The following SH2D4A variants were observed in gnomAD, a reference collection of about 807,000 sequenced individuals.
The protein encoded by SH2D4A is SH2 domain-containing protein 4A.
In SH2D4A, 70 loss-of-function variants were observed where a neutral mutation model predicts 64.7. That is an observed-to-expected ratio of 1.08 (90% CI 0.89 to 1.32). The LOEUF is 1.32. Ranked by LOEUF, SH2D4A falls within the 40% of genes most tolerant of loss-of-function variation. The pLI, the probability that SH2D4A is intolerant of heterozygous loss-of-function variation, is 0.00. For missense variants in SH2D4A, 706 were observed against 540.1 expected (o/e 1.31, Z -3.04); for synonymous variants, 268 against 200.7 (o/e 1.34, Z -2.83).
At chr8:19,382,657 G>A (rs1341577725) in intron 8 of SH2D4A, among the ~76,000 whole-genome samples, 1 of 152,078 alleles carries the variant, frequency 6.6e-6, no homozygotes, top group South Asian at 2.1e-4. Context: ...CTTATGCTGG[G>A]TTTATCAGGA....
chr8:19,324,680 A>C (rs959623767), intron 2 of SH2D4A, among the ~76,000 whole-genome samples: 1 of 151,972 alleles, frequency 6.6e-6, no homozygotes, highest in Admixed American at 6.6e-5. Context: ...TGTATTCCCC[A>C]GGGGGTGCCT....
chr8:19,390,889 G>A (rs1194914165), intron 8 of SH2D4A, among the ~76,000 whole-genome samples: 2 of 152,174 alleles, frequency 1.3e-5, no homozygotes, highest in Non-Finnish European at 2.9e-5. Flanking sequence ...ACTTAGCCGA[G>A]GTTTGGTTAT....
At chr8:19,324,033 A>G (rs1361477049) in intron 2 of SH2D4A, among the ~76,000 whole-genome samples, 2 of 152,220 alleles carry the variant, frequency 1.3e-5, no homozygotes, top group Non-Finnish European at 1.5e-5. Context: ...GCTTAATGAC[A>G]GTGACTTTTG....
At chr8:19,358,701 G>C (rs1226448477) in intron 5 of SH2D4A, among the ~76,000 whole-genome samples, 1 of 152,198 alleles carries the variant, frequency 6.6e-6, no homozygotes, top group African/African-American at 2.4e-5. Flanking sequence ...TAAAACAGAG[G>C]CATCCTCCTT....
At chr8:19,376,959 T>C (rs11990266) in intron 8 of SH2D4A, among the ~76,000 whole-genome samples, 1 of 152,170 alleles carries the variant, frequency 6.6e-6, no homozygotes, top group Admixed American at 6.6e-5. Flanking sequence ...ATTTTTCTTA[T>C]GGAATATTTT....
intron 4 of SH2D4A, among the ~76,000 whole-genome samples, chr8:19,342,790 T>C (rs1176763066): frequency 6.6e-6 from 1 of 152,194 alleles, no homozygotes; most frequent in Non-Finnish European, 1.5e-5. Context: ...GCAGTGATAC[T>C]TTAAACCAGA....
At chr8:19,358,283 A>T (rs1351694711) in intron 5 of SH2D4A, among the ~76,000 whole-genome samples, 2 of 152,220 alleles carry the variant, frequency 1.3e-5, no homozygotes, top group Non-Finnish European at 2.9e-5. Context: ...AGTTAGAGAC[A>T]CATTTTATGA....
At chr8:19,367,174 C>T (rs1459060043) in intron 7 of SH2D4A, among the ~76,000 whole-genome samples, 1 of 152,060 alleles carries the variant, frequency 6.6e-6, no homozygotes, top group African/African-American at 2.4e-5. Context: ...TAGGTTGATT[C>T]CATATCTTGG....
intron 8 of SH2D4A, among the ~76,000 whole-genome samples, chr8:19,378,178 C>A (rs1046367733): frequency 6.6e-6 from 1 of 152,034 alleles, no homozygotes; most frequent in African/African-American, 2.4e-5. Context: ...GGAGACTGAT[C>A]CTTTGTCAAT....
At chr8:19,358,960 C>G (rs1296773500) in intron 5 of SH2D4A, among the ~76,000 whole-genome samples, 2 of 152,234 alleles carry the variant, frequency 1.3e-5, no homozygotes, top group Non-Finnish European at 1.5e-5. Flanking sequence ...CCCCTCCACT[C>G]CAAGCCATCA....
At chr8:19,378,642 G>T (rs1241784183) in intron 8 of SH2D4A, among the ~76,000 whole-genome samples, 2 of 152,060 alleles carry the variant, frequency 1.3e-5, no homozygotes, top group African/African-American at 2.4e-5. Flanking sequence ...CATCATGTTG[G>T]CCAGGCTGGT....
Position 19,319,703 on chromosome 8 carries a change from G to A in SH2D4A, c.156G>A (p.Leu52=). 6.3e-7 allele frequency: 1 copy of A among 1,598,248 alleles called. No homozygotes were observed. Among genetic ancestry groups the A allele is most frequent in the Non-Finnish European group, 8.5e-7 (1 of 1,174,558 alleles). ...REAAMERKES[L]PVKPRPKKEN... The stretch of plus-strand genomic sequence containing the variant: ...CAGCTATGGAAAGAAAGGAGTCCCT[G>A]CCAGTGAAACCCAGACCAAAGAAAG... The change falls in exon 2 of 10, where the codon CTG becomes CTA. Residue 52 remains leucine (L), a synonymous_variant. Coordinates refer to ENST00000265807, the MANE Select transcript of SH2D4A (RefSeq NM_022071.4).
intron 8 of SH2D4A, among the ~76,000 whole-genome samples, chr8:19,383,060 C>G (rs2053325184): frequency 6.6e-6 from 1 of 151,872 alleles, no homozygotes; most frequent in African/African-American, 2.4e-5. Context: ...AAGTTCATCT[C>G]ACTTGGATTT....
chr8:19,314,706 G>C (rs2683324), intron 1 of SH2D4A, among the ~76,000 whole-genome samples: 109,296 of 152,080 alleles, frequency 0.72, 39,466 homozygotes, highest in South Asian at 0.79. Context: ...ACTTGGGTAC[G>C]ATTATTTTAA....
intron 4 of SH2D4A, among the ~76,000 whole-genome samples, chr8:19,351,944 T>C (rs1298878117): frequency 1.3e-5 from 2 of 152,082 alleles, no homozygotes; most frequent in African/African-American, 4.8e-5. Flanking sequence ...CCATCATGCC[T>C]GGCTAATTTT....
chr8:19,326,519 T>G (rs2052282735), intron 2 of SH2D4A, among the ~76,000 whole-genome samples: 2 of 152,210 alleles, frequency 1.3e-5, no homozygotes, highest in Non-Finnish European at 2.9e-5. Flanking sequence ...CACTGTCCCC[T>G]CTACCTCATA....
chr8:19,361,913 C>T (rs1299797110), intron 6 of SH2D4A, among the ~76,000 whole-genome samples: 1 of 152,112 alleles, frequency 6.6e-6, no homozygotes, highest in Non-Finnish European at 1.5e-5. Flanking sequence ...TGCCTGTGAC[C>T]CAGCCTTGAC....
In SH2D4A at chr8:19,364,189, G is replaced by A. The variant is rs34608771; in HGVS notation, c.824G>A (p.Ser275Asn). 470,418 of 1,613,940 alleles carry A rather than the reference G, an allele frequency of 0.29. 72,409 individuals carry two copies. Among genetic ancestry groups the A allele is most frequent in the Non-Finnish European group, 0.32 (376,895 of 1,179,934 alleles). ...GGAAGAGGCGGTGAGAGGCTGCAAA[G>A]CCCCTTGCGTGTTCCGCAGAAACCA... ...QKGRGGERLQ[S>N]PLRVPQKPER... The change falls in exon 7 of 10, where the codon AGC becomes AAC. Residue 275 changes from serine (S) to asparagine (N), a missense_variant. Coordinates refer to ENST00000265807, the MANE Select transcript of SH2D4A (RefSeq NM_022071.4).
chr8:19,363,801 C>A, intron 6 of SH2D4A: 1 of 465,444 alleles, frequency 2.1e-6, no homozygotes, highest in Middle Eastern at 6.0e-4. Context: ...TGCACACTTT[C>A]TCTACTTCTC....
Sources: allele counts gnomAD v4.1 joint callset (sites outside exome capture counted in the v4.1 genomes callset), GRCh38; gene constraint gnomAD v4.1.1; transcripts MANE v1.5; gene names NCBI Gene and HGNC (gene_info 2026-07-23, HGNC 2026-07-21).